UNC5C: variants seen among roughly 807,000 people sequenced by gnomAD.
UNC5C encodes the protein unc-5 netrin receptor C.
In UNC5C, 47 loss-of-function variants were observed where a neutral mutation model predicts 99.8. That is an observed-to-expected ratio of 0.47 (90% CI 0.37 to 0.60). The LOEUF is 0.60. Among genes scored for constraint, UNC5C ranks in the 20% least tolerant of loss-of-function variants. UNC5C has a pLI of 0.00. For synonymous variants in UNC5C, 487 were observed against 452.2 expected (o/e 1.08, Z -0.98); for missense variants, 1,062 against 1,165.9 (o/e 0.91, Z 1.30).
chr4:95,173,823 C>A (rs1468525052), intron 14 of UNC5C, among the ~76,000 whole-genome samples: 1 of 152,078 alleles, frequency 6.6e-6, no homozygotes, highest in Non-Finnish European at 1.5e-5. Context: ...ATGGTAGCAG[C>A]TCCTCCTTGT....
At chr4:95,444,332 CT>C (rs11363815) in intron 1 of UNC5C, among the ~76,000 whole-genome samples, 57,126 of 135,908 alleles carry the variant, frequency 0.42, 11,487 homozygotes, top group East Asian at 0.7. Context: ...AGTGCATTGC[CT>C]TTTTTTTTTT....
chr4:95,207,258 C>G (rs1178482151), intron 10 of UNC5C, among the ~76,000 whole-genome samples: 3 of 152,156 alleles, frequency 2.0e-5, no homozygotes, highest in Non-Finnish European at 4.4e-5. Flanking sequence ...AATGAGGACA[C>G]TCTAGAACTA....
At chr4:95,486,871 A>C (rs1578190225) in intron 1 of UNC5C, among the ~76,000 whole-genome samples, 1 of 151,706 alleles carries the variant, frequency 6.6e-6, no homozygotes, top group African/African-American at 2.4e-5. Flanking sequence ...CTGGAAACTT[A>C]ATCTCCAATG....
In UNC5C at chr4:95,502,306, G is replaced by C. The variant is rs1354629782; in HGVS notation, c.124+46428C>G. On this transcript the variant is annotated intron_variant, in intron 1 of 15. Transcript: ENST00000453304. ...TTTTAAAGAGGCAGGGTCTTGCTCT[G>C]TTGCCCAGGCTGCCTGCAGTAGTGC... Among the ~76,000 whole-genome samples, 3 of 152,098 alleles carry C rather than the reference G, an allele frequency of 2.0e-5. No homozygotes were observed. In the East Asian group the frequency reaches 5.8e-4, roughly 29 times the overall value.
chr4:95,301,765 G>A lies in UNC5C; in HGVS notation c.347-16C>T, dbSNP rs1741891602. On this transcript the variant is annotated splice_polypyrimidine_tract_variant and intron_variant, in intron 2 of 15. Transcript: ENST00000453304. ...ACAATGAGACCTGACAAGAGAAAAA[G>A]AAAGATTTAAGTCAACACAAGATTC... is the stretch of plus-strand genomic sequence containing the variant. The A allele has an allele frequency of 6.2e-7, 1 of 1,610,804 alleles. No individual in the cohort carries two copies. The highest frequency in any genetic ancestry group is 8.5e-7 in the Non-Finnish European group (1 of 1,179,250).
At chr4:95,542,034 C>T (rs1404806526) in intron 1 of UNC5C, among the ~76,000 whole-genome samples, 1 of 152,010 alleles carries the variant, frequency 6.6e-6, no homozygotes, top group Non-Finnish European at 1.5e-5. Flanking sequence ...CTCATAATTG[C>T]TGAGAAATGA....
intron 1 of UNC5C, among the ~76,000 whole-genome samples, chr4:95,386,930 A>G (rs1014480325): frequency 6.6e-6 from 1 of 152,198 alleles, no homozygotes; most frequent in East Asian, 1.9e-4. Context: ...CAAGATGCCA[A>G]CAAAATATGG....
At chr4:95,244,135 G>T (rs1461545194) in intron 6 of UNC5C, among the ~76,000 whole-genome samples, 3 of 152,270 alleles carry the variant, frequency 2.0e-5, no homozygotes, top group East Asian at 1.9e-4. Context: ...AGGCAAAAAG[G>T]AGAAGTAAGG....
At chr4:95,377,344 C>T (rs1400393726) in intron 1 of UNC5C, among the ~76,000 whole-genome samples, 1 of 152,154 alleles carries the variant, frequency 6.6e-6, no homozygotes, top group Non-Finnish European at 1.5e-5. Context: ...CCCTATCAAG[C>T]TCCAGGAAAA....
rs1171870515 is a variant in UNC5C, at chr4:95,400,384, C to CTTTTT, written c.125-64758_125-64754dup. 4.9e-4 allele frequency among the ~76,000 whole-genome samples: 32 copies of CTTTTT among 65,792 alleles called. 3 individuals carry two copies. Among genetic ancestry groups the CTTTTT allele is most frequent in the African/African-American group, 1.2e-3 (20 of 16,792 alleles). The allele number at this position is 65,792 out of a possible 152,430, so 43.2% of individuals were successfully genotyped here. A position where few individuals can be genotyped will look rare whatever the true frequency, so the allele number is the denominator to read the frequency against. ...TTCCACAGCCACAGTGAGATGAATT[C>CTTTTT]TTTTTTTTTTTTTTTTTTTTTTTTT... is the stretch of plus-strand genomic sequence containing the variant. On this transcript the variant is annotated intron_variant, in intron 1 of 15. Transcript: ENST00000453304.
intron 1 of UNC5C, among the ~76,000 whole-genome samples, chr4:95,382,458 CA>C (rs11324926): frequency 0.6 from 81,440 of 135,798 alleles, 22,884 homozygotes; most frequent in East Asian, 0.71. Context: ...GACCGTCTGT[CA>C]AAAAAAAAAA....
intron 1 of UNC5C, among the ~76,000 whole-genome samples, chr4:95,421,968 T>C (rs1403127981): frequency 6.6e-6 from 1 of 152,252 alleles, no homozygotes; most frequent in Non-Finnish European, 1.5e-5. Context: ...AACAACTTCA[T>C]TTATTTGCAC....
Position 95,219,937 on chromosome 4 carries a change from C to T in UNC5C, c.1300+48G>A, listed in dbSNP as rs182266281. 9.9e-5 allele frequency: 155 copies of T among 1,566,250 alleles called. No homozygotes were observed. In the African/African-American group the frequency reaches 1.8e-3, roughly 18 times the overall value. ...GACTCTAAAGTCATTGATTTTGAAACTGCTTACATGCATAAGTAACAGGGT... is the reference window on the plus strand; with the variant it reads ...GACTCTAAAGTCATTGATTTTGAAATTGCTTACATGCATAAGTAACAGGGT... On this transcript the variant is annotated intron_variant, in intron 8 of 15. Coordinates refer to ENST00000453304, the MANE Select transcript of UNC5C (RefSeq NM_003728.4).
chr4:95,520,991 AG>A (rs1171268633), intron 1 of UNC5C, among the ~76,000 whole-genome samples: 2 of 151,992 alleles, frequency 1.3e-5, no homozygotes, highest in Admixed American at 1.3e-4. Flanking sequence ...TACCCCTCCA[AG>A]AAACATTGTC....
At chr4:95,196,016 C>CT (rs1737366446) in intron 12 of UNC5C, among the ~76,000 whole-genome samples, 1 of 152,058 alleles carries the variant, frequency 6.6e-6, no homozygotes, top group South Asian at 2.1e-4. Flanking sequence ...AAAATAACTC[C>CT]TTTTTTAGGT....
chr4:95,223,722 T>C (rs1438313470), intron 7 of UNC5C, among the ~76,000 whole-genome samples: 5 of 152,170 alleles, frequency 3.3e-5, no homozygotes, highest in African/African-American at 1.2e-4. Flanking sequence ...CACTGCCTGG[T>C]AATAAAATTT....
At chr4:95,482,337 G>T (rs1032578090) in intron 1 of UNC5C, among the ~76,000 whole-genome samples, 2 of 151,906 alleles carry the variant, frequency 1.3e-5, no homozygotes, top group African/African-American at 4.8e-5. Context: ...TAGAATGGCA[G>T]TCATTAAAAA....
At chr4:95,408,073 C>G (rs1037756046) in intron 1 of UNC5C, among the ~76,000 whole-genome samples, 1 of 152,056 alleles carries the variant, frequency 6.6e-6, no homozygotes, top group African/African-American at 2.4e-5. Flanking sequence ...TTTACTTAAT[C>G]TATAAATTAA....
chr4:95,431,929 G>C (rs190259869), intron 1 of UNC5C, among the ~76,000 whole-genome samples: 2 of 152,030 alleles, frequency 1.3e-5, no homozygotes, highest in Non-Finnish European at 2.9e-5. Flanking sequence ...TGAACAAATT[G>C]CTTCCCTCAT....
Sources: gnomAD v4.1 joint callset for allele counts (sites outside exome capture counted in the v4.1 genomes callset) on GRCh38, gnomAD v4.1.1 for gene constraint, MANE v1.5 for transcripts, NCBI Gene and HGNC (gene_info 2026-07-23, HGNC 2026-07-21) for gene names.